CSMD1: variants seen among roughly 807,000 people sequenced by gnomAD.
CSMD1 encodes CUB and sushi domain-containing protein 1.
In CSMD1, 213 loss-of-function variants were observed where a neutral mutation model predicts 417.5. That is an observed-to-expected ratio of 0.51 (90% CI 0.46 to 0.57). CSMD1 has a LOEUF of 0.57. Among genes scored for constraint, CSMD1 ranks in the 20% least tolerant of loss-of-function variants. CSMD1 has a pLI of 0.00. For synonymous variants in CSMD1, 2,862 were observed against 1,736.8 expected, an observed-to-expected ratio of 1.65 and a Z score of -16.11; for missense variants, 6,923 against 4,529.7, an observed-to-expected ratio of 1.53 and a Z score of -15.17.
chr8:4,365,497 G>T (rs1045571026), intron 3 of CSMD1, among the ~76,000 whole-genome samples: 1 of 152,190 alleles, frequency 6.6e-6, no homozygotes, highest in African/African-American at 2.4e-5. Context: ...TTAGGGCAGT[G>T]CTACGAATCC....
chr8:4,104,031 G>C (rs1801438830), intron 3 of CSMD1, among the ~76,000 whole-genome samples: 1 of 152,162 alleles, frequency 6.6e-6, no homozygotes, highest in Admixed American at 6.5e-5. Context: ...CCCTGCCCCA[G>C]CCTGGCCCTT....
intron 3 of CSMD1, among the ~76,000 whole-genome samples, chr8:4,035,522 G>C (rs1292156198): frequency 6.6e-6 from 1 of 152,138 alleles, no homozygotes; most frequent in Non-Finnish European, 1.5e-5. Flanking sequence ...CCTTCTGGTG[G>C]GACAAGACGT....
intron 1 of CSMD1, among the ~76,000 whole-genome samples, chr8:4,697,457 G>T (rs184848048): frequency 6.6e-6 from 1 of 152,088 alleles, no homozygotes; most frequent in Admixed American, 6.6e-5. Context: ...AGTTCAATAC[G>T]TAAAAAATTT....
intron 41 of CSMD1, among the ~76,000 whole-genome samples, chr8:3,141,048 G>A (rs973564035): frequency 4.6e-5 from 7 of 152,274 alleles, no homozygotes; most frequent in Admixed American, 2.6e-4. Context: ...GATCAACTCC[G>A]TGCACAATGG....
chr8:3,303,318 C>T (rs766585221), intron 25 of CSMD1, among the ~76,000 whole-genome samples: 19 of 152,102 alleles, frequency 1.2e-4, no homozygotes, highest in Non-Finnish European at 2.2e-4. Context: ...GATTAATATT[C>T]CTAGATCTCC....
At chr8:3,950,112 A>T (rs983560392) in intron 5 of CSMD1, among the ~76,000 whole-genome samples, 1 of 152,168 alleles carries the variant, frequency 6.6e-6, no homozygotes, top group Non-Finnish European at 1.5e-5. Context: ...GATAATAATA[A>T]TTAGACACGT....
intron 5 of CSMD1, among the ~76,000 whole-genome samples, chr8:3,842,178 C>G (rs866006788): frequency 2.0e-4 from 30 of 152,156 alleles, no homozygotes; most frequent in Admixed American, 4.6e-4. Context: ...AACTCGTTTT[C>G]CTAGCATCAT....
At chr8:3,539,733 A>G (rs1438522805) in intron 10 of CSMD1, among the ~76,000 whole-genome samples, 1 of 151,194 alleles carries the variant, frequency 6.6e-6, no homozygotes, top group Non-Finnish European at 1.5e-5. Flanking sequence ...CACACATTGA[A>G]AACAAGAATC....
chr8:3,167,221 G>A (rs1820280544), intron 37 of CSMD1, among the ~76,000 whole-genome samples: 1 of 150,636 alleles, frequency 6.6e-6, no homozygotes, highest in Admixed American at 6.6e-5. Flanking sequence ...GGAGGCGGAG[G>A]TTGCAGTGAG....
intron 3 of CSMD1, among the ~76,000 whole-genome samples, chr8:4,203,733 T>C (rs375964386): frequency 9.2e-5 from 14 of 152,080 alleles, no homozygotes; most frequent in South Asian, 4.1e-4. Flanking sequence ...TGCACACATA[T>C]GTACACGCAC....
chr8:4,933,969 C>G lies in CSMD1; in HGVS notation c.85+60363G>C, dbSNP rs189483294. ...GTATTCATCTTTGCCCACACAGTCA[C>G]TCTCACTCAACAGTTACTTACGTTT... On this transcript the variant is annotated intron_variant, in intron 1 of 69. Transcript: ENST00000635120. Among the ~76,000 whole-genome samples, 201 of 152,030 alleles carry G rather than the reference C, an allele frequency of 1.3e-3. 1 individual carries two copies. The highest frequency in any genetic ancestry group is 1.3e-3 in the Non-Finnish European group (85 of 67,992).
At chr8:3,298,783 C>T (rs1054916725) in intron 25 of CSMD1, among the ~76,000 whole-genome samples, 1 of 152,058 alleles carries the variant, frequency 6.6e-6, no homozygotes, top group Admixed American at 6.6e-5. Context: ...TCAAATTTGG[C>T]AAAACTCTTC....
intron 5 of CSMD1, among the ~76,000 whole-genome samples, chr8:3,931,110 T>G (rs533445736): frequency 1.2e-4 from 18 of 150,786 alleles, no homozygotes; most frequent in African/African-American, 4.1e-4. Flanking sequence ...CATTAAAGCC[T>G]AGGCCGATAT....
At chr8:4,440,129 G>A (rs764256621) in intron 2 of CSMD1, among the ~76,000 whole-genome samples, 1 of 152,112 alleles carries the variant, frequency 6.6e-6, no homozygotes, top group Non-Finnish European at 1.5e-5. Context: ...TTAAAGTGCA[G>A]CTTTGGTGTA....
intron 3 of CSMD1, among the ~76,000 whole-genome samples, chr8:4,351,113 G>A (rs528491558): frequency 3.9e-5 from 6 of 151,920 alleles, no homozygotes; most frequent in Non-Finnish European, 5.9e-5. Flanking sequence ...GAGCCCAGGG[G>A]TTCGAGACCA....
At chr8:3,663,926 T>G (rs1798550075) in intron 7 of CSMD1, among the ~76,000 whole-genome samples, 1 of 152,210 alleles carries the variant, frequency 6.6e-6, no homozygotes, top group Non-Finnish European at 1.5e-5. Context: ...GAGTCATGTT[T>G]CAGATATTTG....
intron 3 of CSMD1, among the ~76,000 whole-genome samples, chr8:4,314,029 A>G (rs1798779148): frequency 6.6e-6 from 1 of 150,734 alleles, no homozygotes; most frequent in Non-Finnish European, 1.5e-5. Flanking sequence ...AATAATAATA[A>G]TAATAATGAT....
chr8:4,616,888 A>G (rs565603148), intron 2 of CSMD1, among the ~76,000 whole-genome samples: 2 of 152,114 alleles, frequency 1.3e-5, no homozygotes, highest in African/African-American at 4.8e-5. Flanking sequence ...AGTTTGTTTT[A>G]CTCTTGCATT....
chr8:4,040,280 C>A (rs916050389), intron 3 of CSMD1, among the ~76,000 whole-genome samples: 1 of 152,196 alleles, frequency 6.6e-6, no homozygotes, highest in Non-Finnish European at 1.5e-5. Context: ...TTGCACAACA[C>A]ACACTATGTG....
Sources: allele counts gnomAD v4.1 joint callset (sites outside exome capture counted in the v4.1 genomes callset), GRCh38; gene constraint gnomAD v4.1.1; transcripts MANE v1.5; gene names NCBI Gene and HGNC (gene_info 2026-07-23, HGNC 2026-07-21).